Variants in PTPRT observed in about 807,000 individuals in gnomAD.
PTPRT encodes the protein receptor-type tyrosine-protein phosphatase T.
Under a neutral mutation model 176.8 loss-of-function variants are expected in PTPRT, and 56 were observed. The ratio of observed to expected loss-of-function variants is 0.32; its 90% CI spans 0.26 to 0.40. PTPRT has a LOEUF of 0.40. PTPRT is among the 10% of genes least tolerant of loss of function. The probability of loss-of-function intolerance (pLI) is 1.00; values close to 1 mark genes in which losing one functional copy is unlikely to be tolerated. For synonymous variants in PTPRT, 783 were observed against 739.0 expected, an observed-to-expected ratio of 1.06 and a Z score of -0.96; for missense variants, 1,540 against 1,908.2, an observed-to-expected ratio of 0.81 and a Z score of 3.60.
intron 1 of PTPRT, among the ~76,000 whole-genome samples, chr20:42,949,347 G>A (rs952629911): frequency 2.0e-5 from 3 of 152,158 alleles, no homozygotes; most frequent in African/African-American, 4.8e-5. Flanking sequence ...GAAGAAGTTG[G>A]TCTATTCTGA....
At chr20:43,056,975 AC>A (rs1463632497) in intron 1 of PTPRT, among the ~76,000 whole-genome samples, 4 of 151,942 alleles carry the variant, frequency 2.6e-5, no homozygotes, top group Non-Finnish European at 4.4e-5. Flanking sequence ...GCATGCAACA[AC>A]CTTGATGAAT....
intron 16 of PTPRT, among the ~76,000 whole-genome samples, chr20:42,195,608 A>G (rs1991183840): frequency 6.6e-6 from 1 of 152,208 alleles, no homozygotes; most frequent in South Asian, 2.1e-4. Flanking sequence ...ATGCATAGAG[A>G]GTCCTAACGT....
chr20:42,820,720 G>T (rs2077877787), intron 2 of PTPRT, among the ~76,000 whole-genome samples: 1 of 152,120 alleles, frequency 6.6e-6, no homozygotes, highest in Non-Finnish European at 1.5e-5. Flanking sequence ...AATAAAAAAT[G>T]ATAAAGGGGA....
intron 1 of PTPRT, among the ~76,000 whole-genome samples, chr20:43,134,671 T>C (rs553371569): frequency 1.0e-3 from 152 of 152,342 alleles, no homozygotes; most frequent in African/African-American, 2.1e-3. Flanking sequence ...TGTCTTACTA[T>C]GCTTTAACAA....
In PTPRT at chr20:42,932,788, C is replaced by T. The variant is rs369365478; in HGVS notation, c.89-46856G>A. Among the ~76,000 whole-genome samples, 2 of 152,354 alleles carry T rather than the reference C, an allele frequency of 1.3e-5. 1 individual carries two copies. The highest frequency in any genetic ancestry group is 4.8e-5 in the African/African-American group (2 of 41,598). ...CTGGACACCTAGGTTACTTCTGAAACAACCGCTCCACCTTCACGACCTCCT... is the reference window on the plus strand; with the variant it reads ...CTGGACACCTAGGTTACTTCTGAAATAACCGCTCCACCTTCACGACCTCCT... On this transcript the variant is annotated intron_variant, in intron 1 of 30. Transcript: ENST00000373187.
At chr20:42,582,013 T>C (rs2145727177) in intron 7 of PTPRT, among the ~76,000 whole-genome samples, 1 of 152,320 alleles carries the variant, frequency 6.6e-6, no homozygotes, top group East Asian at 1.9e-4. Context: ...AATGCTGGCT[T>C]TGACTGGCTT....
At chr20:43,119,295 T>C (rs1372179043) in intron 1 of PTPRT, among the ~76,000 whole-genome samples, 1 of 152,244 alleles carries the variant, frequency 6.6e-6, no homozygotes, top group Non-Finnish European at 1.5e-5. Flanking sequence ...TTTATTTTTA[T>C]TCTTTGAACT....
At chr20:43,091,471 TTCTCTCTC>T (rs137874026) in intron 1 of PTPRT, among the ~76,000 whole-genome samples, 3 of 107,800 alleles carry the variant, frequency 2.8e-5, no homozygotes, top group East Asian at 5.9e-4. Context: ...CCCCCTCTCT[TTCTCTCTC>T]TCTCTCTCTC....
intron 17 of PTPRT, among the ~76,000 whole-genome samples, chr20:42,151,401 G>C (rs1989126224): frequency 6.6e-6 from 1 of 152,072 alleles, no homozygotes. Context: ...TGTGGTGTTT[G>C]CTTTTCTGTT....
At chr20:42,388,333 C>G (rs1418860784) in intron 9 of PTPRT, among the ~76,000 whole-genome samples, 1 of 152,158 alleles carries the variant, frequency 6.6e-6, no homozygotes, top group Non-Finnish European at 1.5e-5. Context: ...TCAGAGTGAA[C>G]AGGCAACCTA....
At chr20:42,797,787 G>A (rs1247432716) in intron 2 of PTPRT, among the ~76,000 whole-genome samples, 1 of 152,132 alleles carries the variant, frequency 6.6e-6, no homozygotes, top group South Asian at 2.1e-4. Flanking sequence ...AGGAGAGTCA[G>A]AATCACAGTT....
At chr20:42,572,461 AC>A (rs751430752) in intron 7 of PTPRT, among the ~76,000 whole-genome samples, 7 of 150,624 alleles carry the variant, frequency 4.6e-5, no homozygotes, top group Admixed American at 1.3e-4. Flanking sequence ...CCCAGCTTCC[AC>A]CCACAGGCCA....
intron 1 of PTPRT, among the ~76,000 whole-genome samples, chr20:43,125,078 C>T (rs1386970005): frequency 6.6e-6 from 1 of 151,920 alleles, no homozygotes; most frequent in Non-Finnish European, 1.5e-5. Flanking sequence ...TCACTGCAAC[C>T]TCCACCTCCC....
intron 14 of PTPRT, among the ~76,000 whole-genome samples, chr20:42,245,678 A>C (rs2056436596): frequency 6.6e-6 from 1 of 152,186 alleles, no homozygotes; most frequent in African/African-American, 2.4e-5. Context: ...TCATAAAAGG[A>C]AACCCCTAAC....
intron 7 of PTPRT, among the ~76,000 whole-genome samples, chr20:42,591,156 G>A (rs2073566826): frequency 6.6e-6 from 1 of 151,962 alleles, no homozygotes; most frequent in African/African-American, 2.4e-5. Flanking sequence ...GTATAACTTT[G>A]GAAGTATCTA....
At chr20:42,059,853 T>C in the PTPRT span, among the ~76,000 whole-genome samples, 47 of 152,318 alleles carry the variant, frequency 3.1e-4, no homozygotes, top group Non-Finnish European at 5.3e-4. Context: ...ATCATTATTG[T>C]ATAAGGTAAT....
At chr20:43,182,726 G>C (rs548140615) in intron 1 of PTPRT, among the ~76,000 whole-genome samples, 3 of 152,098 alleles carry the variant, frequency 2.0e-5, no homozygotes, top group Non-Finnish European at 4.4e-5. Flanking sequence ...AGCAGCGCTT[G>C]AACTATTAGC....
intron 1 of PTPRT, among the ~76,000 whole-genome samples, chr20:42,906,682 G>C (rs1206199276): frequency 1.3e-5 from 2 of 152,168 alleles, no homozygotes; most frequent in Non-Finnish European, 2.9e-5. Flanking sequence ...CTTCCCTAGA[G>C]GTTTGAGCAG....
At chr20:42,999,637 TG>T (rs1313966154) in intron 1 of PTPRT, among the ~76,000 whole-genome samples, 48 of 149,698 alleles carry the variant, frequency 3.2e-4, no homozygotes, top group Non-Finnish European at 4.4e-4. Flanking sequence ...GTTGTTGTGG[TG>T]GTTGTTGTTG....
Sources: gnomAD v4.1 joint callset for allele counts (sites outside exome capture counted in the v4.1 genomes callset) on GRCh38, gnomAD v4.1.1 for gene constraint, MANE v1.5 for transcripts, NCBI Gene and HGNC (gene_info 2026-07-23, HGNC 2026-07-21) for gene names.